Variants in OSBPL3 observed in about 807,000 individuals in gnomAD.
OSBPL3 encodes the protein oxysterol binding protein like 3.
In OSBPL3, 65 loss-of-function variants were observed where a neutral mutation model predicts 120.1. The ratio of observed to expected loss-of-function variants is 0.54; its 90% CI spans 0.44 to 0.67. The LOEUF is 0.67. OSBPL3 is among the 30% of genes least tolerant of loss of function. The pLI is 0.00. For synonymous variants in OSBPL3, 416 were observed against 402.6 expected (o/e 1.03, Z -0.40); for missense variants, 1,004 against 1,082.1 (o/e 0.93, Z 1.01).
chr7:24,962,063 G>A (rs1018065216), intron 1 of OSBPL3, among the ~76,000 whole-genome samples: 3 of 152,088 alleles, frequency 2.0e-5, no homozygotes, highest in Admixed American at 6.5e-5. Flanking sequence ...AGCATTTTGG[G>A]AGGCTGAGGT....
rs989871482 is a variant in OSBPL3 at position 24,972,200 on chromosome 7, G to A, written c.-150+7686C>T. Reference sequence around the variant, plus strand: ...TAGCAAATAAACAAACCTGTGTGTCGCATCAGAGAGAGAAATTCAAAACCT... The same window carrying A: ...TAGCAAATAAACAAACCTGTGTGTCACATCAGAGAGAGAAATTCAAAACCT... On this transcript the variant is annotated intron_variant, in intron 1 of 22. Transcript: ENST00000313367. This position sits in a 1 kb window ranked among gnomAD's most constrained non-coding sequence, Gnocchi z 4.3. Among the ~76,000 whole-genome samples, 2 of 152,138 alleles carry A rather than the reference G, an allele frequency of 1.3e-5. No homozygotes were observed. Among genetic ancestry groups the A allele is most frequent in the African/African-American group, 4.8e-5 (2 of 41,430 alleles).
intron 1 of OSBPL3, among the ~76,000 whole-genome samples, chr7:24,949,457 T>G (rs1814126157): frequency 6.6e-6 from 1 of 152,196 alleles, no homozygotes. Context: ...TTGACAGTCT[T>G]TGATTCAATG....
intron 1 of OSBPL3, among the ~76,000 whole-genome samples, chr7:24,969,773 A>T (rs1019830112): frequency 5.3e-5 from 8 of 152,064 alleles, no homozygotes; most frequent in African/African-American, 1.7e-4. Context: ...TCTCACTGTG[A>T]CCATCCCAGT....
chr7:24,968,897 T>C lies in OSBPL3; in HGVS notation c.-150+10989A>G, dbSNP rs895031587. Among the ~76,000 whole-genome samples the C allele has an allele frequency of 1.3e-5, 2 of 152,228 alleles. No individual in the cohort carries two copies. The highest frequency in any genetic ancestry group is 4.8e-5 in the African/African-American group (2 of 41,460). ...TTTTAACGGCTCTATTATTTTTAATTAGTACTTACTGATGAAAATTAAGTT... is the reference window on the plus strand; with the variant it reads ...TTTTAACGGCTCTATTATTTTTAATCAGTACTTACTGATGAAAATTAAGTT... On this transcript the variant is annotated intron_variant, in intron 1 of 22. Coordinates refer to ENST00000313367, the MANE Select transcript of OSBPL3 (RefSeq NM_015550.4). This position sits in a 1 kb window ranked among gnomAD's most constrained non-coding sequence, Gnocchi z 4.6.
intron 1 of OSBPL3, among the ~76,000 whole-genome samples, chr7:24,923,141 T>C (rs1584632461): frequency 1.3e-5 from 2 of 152,060 alleles, no homozygotes; most frequent in African/African-American, 2.4e-5. Flanking sequence ...TCAATCACAA[T>C]AGGTTATCTA....
chr7:24,887,549 A>T (rs1804713123), intron 2 of OSBPL3, among the ~76,000 whole-genome samples: 1 of 152,232 alleles, frequency 6.6e-6, no homozygotes, highest in Non-Finnish European at 1.5e-5. Flanking sequence ...ACCGCATTCC[A>T]CAGGAAAAAG....
At chr7:24,903,605 G>T (rs929054145) in intron 1 of OSBPL3, among the ~76,000 whole-genome samples, 1 of 152,180 alleles carries the variant, frequency 6.6e-6, no homozygotes, top group Non-Finnish European at 1.5e-5. Context: ...ATATGTTGAT[G>T]AATACCTCAA....
rs968065843 is a variant in OSBPL3, at chr7:24,863,684, T to C, written c.674-85A>G. The C allele has an allele frequency of 3.0e-5, 26 of 860,868 alleles. No individual in the cohort carries two copies. In the African/African-American group the frequency reaches 3.9e-4, roughly 13 times the overall value. 53.3% of individuals were successfully genotyped at this position (860,868 alleles called of 1,614,324 possible). On this transcript the variant is annotated intron_variant, in intron 7 of 22. Coordinates refer to ENST00000313367, the MANE Select transcript of OSBPL3 (RefSeq NM_015550.4). The surrounding 1 kb of genome is among the most constrained non-coding windows in gnomAD (Gnocchi z 5.8). ...TGTCCCCATGCCAGCTACTTTTCCT[T>C]ATTTATCTGTAGTTGATTTTTTTTT...
rs753674346 is a variant in OSBPL3, at chr7:24,849,464, C to CT, written c.1159-289dup. The CT allele has an allele frequency of 3.6e-4, 79 of 222,466 alleles. No individual in the cohort carries two copies. Among genetic ancestry groups the CT allele is most frequent in the Non-Finnish European group, 6.6e-4 (73 of 111,000 alleles). 13.8% of individuals were successfully genotyped at this position (222,466 alleles called of 1,614,324 possible). A position where few individuals can be genotyped will look rare whatever the true frequency, so the allele number is the denominator to read the frequency against. On this transcript the variant is annotated intron_variant, in intron 11 of 22. Transcript: ENST00000313367. The surrounding 1 kb of genome is among the most constrained non-coding windows in gnomAD (Gnocchi z 5.4). ...GCAACAGAGAGGGAAGTCACAGACA[C>CT]TGTCGGCTTCTGTTAAGACCAGTGG...
intron 19 of OSBPL3, chr7:24,810,455 G>T (rs564701242): frequency 6.5e-6 from 1 of 152,726 alleles, no homozygotes; most frequent in Non-Finnish European, 1.5e-5. Context: ...CCCGGGAGGC[G>T]GAGGATGTGG....
intron 19 of OSBPL3, chr7:24,810,175 T>C (rs1161470877): frequency 6.0e-6 from 3 of 496,988 alleles, no homozygotes; most frequent in Middle Eastern, 5.4e-4. Context: ...GTGGAATGGC[T>C]AAATCAAGCT....
At chr7:24,977,422 G>A (rs1338448929) in intron 1 of OSBPL3, among the ~76,000 whole-genome samples, 1 of 152,164 alleles carries the variant, frequency 6.6e-6, no homozygotes, top group African/African-American at 2.4e-5. Context: ...AATTAGTGGG[G>A]CGAGAATTGA....
In OSBPL3 at chr7:24,831,784, G is replaced by A. The variant is rs1267766510; in HGVS notation, c.1747-879C>T. The stretch of plus-strand genomic sequence containing the variant: ...TTCTTATACTGAAGAAGAGCTGAGT[G>A]CCTTTCATAAATGCCCACTAGTCAC... On this transcript the variant is annotated intron_variant, in intron 15 of 22. Coordinates refer to ENST00000313367, the MANE Select transcript of OSBPL3 (RefSeq NM_015550.4). The surrounding 1 kb of genome is among the most constrained non-coding windows in gnomAD (Gnocchi z 4.0). 2.0e-5 allele frequency among the ~76,000 whole-genome samples: 3 copies of A among 152,318 alleles called. No individual in the cohort carries two copies. The highest frequency in any genetic ancestry group is 2.0e-4 in the Admixed American group (3 of 15,302).
rs184342279 is a variant in OSBPL3 at position 24,830,569 on chromosome 7, G to A, written c.1884+199C>T. ...TAGCCAAGCAAGTGTGCAGAATTAC[G>A]GGTGGTAACTTTATGCCCCTGGGTG... On this transcript the variant is annotated intron_variant, in intron 16 of 22. Transcript: ENST00000313367. The surrounding 1 kb of genome is among the most constrained non-coding windows in gnomAD (Gnocchi z 4.4). Among the ~76,000 whole-genome samples the A allele has an allele frequency of 1.3e-5, 2 of 152,262 alleles. No homozygotes were observed. Among genetic ancestry groups the A allele is most frequent in the East Asian group, 1.9e-4 (1 of 5,188 alleles).
At chr7:24,868,593 T>C (rs1055077215) in intron 5 of OSBPL3, among the ~76,000 whole-genome samples, 4 of 152,148 alleles carry the variant, frequency 2.6e-5, no homozygotes, top group Non-Finnish European at 5.9e-5. Context: ...GCCAGCAATA[T>C]CACTCACTGA....
chr7:24,932,605 C>T lies in OSBPL3; in HGVS notation c.-149-39984G>A, dbSNP rs1033453407. ...CCACAGAGCTGCCTTGTCCCTTCCA[C>T]CCTGTGAGCACACAGCAAAAAGGCA... On this transcript the variant is annotated intron_variant, in intron 1 of 22. Coordinates refer to ENST00000313367, the MANE Select transcript of OSBPL3 (RefSeq NM_015550.4). This position sits in a 1 kb window ranked among gnomAD's most constrained non-coding sequence, Gnocchi z 5.6. 6.6e-6 allele frequency among the ~76,000 whole-genome samples: 1 copy of T among 152,162 alleles called. No individual in the cohort carries two copies. Among genetic ancestry groups the T allele is most frequent in the Admixed American group, 6.5e-5 (1 of 15,284 alleles).
In OSBPL3 at chr7:24,900,794, C is replaced by A. The variant is rs1272202329; in HGVS notation, c.-149-8173G>T. On this transcript the variant is annotated intron_variant, in intron 1 of 22. Coordinates refer to ENST00000313367, the MANE Select transcript of OSBPL3 (RefSeq NM_015550.4). This position sits in a 1 kb window ranked among gnomAD's most constrained non-coding sequence, Gnocchi z 4.5. ...ACCAGCCTGGGCAACAAGGCGAAACCCCCATCTTTACAAAAAATATTAGGT... is the reference window on the plus strand; with the variant it reads ...ACCAGCCTGGGCAACAAGGCGAAACACCCATCTTTACAAAAAATATTAGGT... Among the ~76,000 whole-genome samples the A allele has an allele frequency of 6.6e-6, 1 of 151,982 alleles. No homozygotes were observed. Among genetic ancestry groups the A allele is most frequent in the African/African-American group, 2.4e-5 (1 of 41,378 alleles).
At chr7:24,840,667 A>G (rs372246053) in intron 14 of OSBPL3, 23 bp downstream of exon 14, 38 of 1,061,426 alleles carry the variant, frequency 3.6e-5, no homozygotes, top group Non-Finnish European at 5.0e-5. Context: ...AACTTTTCAG[A>G]GATTAAATAA....
chr7:24,901,158 C>T (rs1228198951), intron 1 of OSBPL3, among the ~76,000 whole-genome samples: 1 of 151,966 alleles, frequency 6.6e-6, no homozygotes, highest in Non-Finnish European at 1.5e-5. Flanking sequence ...GAAACCCTGT[C>T]TCTACTAAAA....
Sources: gnomAD v4.1 joint callset for allele counts (sites outside exome capture counted in the v4.1 genomes callset) on GRCh38, gnomAD v4.1.1 for gene constraint, Gnocchi (gnomAD v3.1) non-coding constraint, MANE v1.5 for transcripts, NCBI Gene and HGNC (gene_info 2026-07-23, HGNC 2026-07-21) for gene names.